The following JARID2 variants were observed in gnomAD, a reference collection of about 807,000 sequenced individuals.
The protein encoded by JARID2 is jumonji and AT-rich interaction domain containing 2.
Under a neutral mutation model 125.6 loss-of-function variants are expected in JARID2, and 21 were observed. The ratio of observed to expected loss-of-function variants is 0.17; its 90% CI spans 0.12 to 0.24. JARID2 has a LOEUF of 0.24. JARID2 is among the 10% of genes least tolerant of loss of function. The pLI, the probability that JARID2 is intolerant of heterozygous loss-of-function variation, is 1.00. For synonymous variants in JARID2, 736 were observed against 661.6 expected (o/e 1.11, Z -1.73); for missense variants, 1,303 against 1,639.6 (o/e 0.79, Z 3.55).
intron 1 of JARID2, among the ~76,000 whole-genome samples, chr6:15,355,041 A>G (rs548309915): frequency 6.6e-6 from 1 of 152,314 alleles, no homozygotes; most frequent in African/African-American, 2.4e-5. Context: ...TGAGAGCACT[A>G]TATGAACCCT....
At position 15,478,772 on chromosome 6, in the gene JARID2, C is replaced by T. The variant is rs545205106; in HGVS notation, c.671-8535C>T. On this transcript the variant is annotated intron_variant, in intron 5 of 17. Coordinates refer to ENST00000341776, the MANE Select transcript of JARID2 (RefSeq NM_004973.4). ...GCAGTCTCCACCTCCCGGGTTCAAG[C>T]GATTCTCCTGCCTCAGCCTCCTGAG... 2.1e-3 allele frequency among the ~76,000 whole-genome samples: 314 copies of T among 152,132 alleles called. 3 individuals carry two copies. Among genetic ancestry groups the T allele is most frequent in the Non-Finnish European group, 3.5e-3 (241 of 67,990 alleles).
chr6:15,416,154 A>G (rs1213999443), intron 3 of JARID2, among the ~76,000 whole-genome samples: 2 of 148,510 alleles, frequency 1.3e-5, no homozygotes, highest in South Asian at 4.3e-4. Context: ...GGCGCTCCTC[A>G]CTTCCTAGAT....
chr6:15,395,909 C>T (rs190818062), intron 2 of JARID2, among the ~76,000 whole-genome samples: 244 of 152,054 alleles, frequency 1.6e-3, no homozygotes, highest in African/African-American at 5.5e-3. Context: ...GTGACCTGCC[C>T]GCCTTGGCCT....
chr6:15,471,587 A>G (rs552281193), intron 5 of JARID2, among the ~76,000 whole-genome samples: 12 of 152,308 alleles, frequency 7.9e-5, no homozygotes, highest in African/African-American at 1.4e-4. Context: ...AGTTAATCCC[A>G]TGTATACTAG....
chr6:15,489,427 G>T (rs1770040040), intron 6 of JARID2, among the ~76,000 whole-genome samples: 1 of 152,200 alleles, frequency 6.6e-6, no homozygotes, highest in Non-Finnish European at 1.5e-5. Context: ...ACAGACACGG[G>T]TGCGCACATC....
intron 2 of JARID2, among the ~76,000 whole-genome samples, chr6:15,389,859 T>G (rs936778769): frequency 1.3e-5 from 2 of 152,208 alleles, no homozygotes; most frequent in Non-Finnish European, 2.9e-5. Flanking sequence ...CCCTTTGATG[T>G]TTTGATGTTT....
At chr6:15,465,608 A>G (rs1405096794) in intron 4 of JARID2, among the ~76,000 whole-genome samples, 3 of 151,340 alleles carry the variant, frequency 2.0e-5, no homozygotes, top group Admixed American at 1.3e-4. Context: ...GAGTGCAAGG[A>G]ATGTGATATT....
intron 1 of JARID2, among the ~76,000 whole-genome samples, chr6:15,275,767 T>C (rs1240941842): frequency 6.6e-6 from 1 of 152,166 alleles, no homozygotes; most frequent in Non-Finnish European, 1.5e-5. Flanking sequence ...TTGAGACTTT[T>C]GTCCCCTTTC....
At chr6:15,277,657 T>G (rs964368101) in intron 1 of JARID2, among the ~76,000 whole-genome samples, 18 of 152,162 alleles carry the variant, frequency 1.2e-4, no homozygotes, top group African/African-American at 4.1e-4. Flanking sequence ...AATGGGACTT[T>G]TGTTAATTCA....
intron 6 of JARID2, among the ~76,000 whole-genome samples, 175 bp from the exon 7 acceptor site, chr6:15,495,957 G>C (rs773503217): frequency 6.6e-6 from 1 of 152,186 alleles, no homozygotes; most frequent in Non-Finnish European, 1.5e-5. Context: ...TTAATTCTTG[G>C]ATGTGTATTT....
intron 3 of JARID2, among the ~76,000 whole-genome samples, chr6:15,431,375 C>T (rs114559505): frequency 5.9e-4 from 90 of 152,250 alleles, no homozygotes; most frequent in Non-Finnish European, 9.6e-4. Context: ...GTCTCATAAA[C>T]GATGCCTTCC....
chr6:15,471,750 G>A (rs1561886493), intron 5 of JARID2, among the ~76,000 whole-genome samples: 2 of 152,290 alleles, frequency 1.3e-5, no homozygotes, highest in South Asian at 4.1e-4. Flanking sequence ...TGCAGGGGCA[G>A]TGACTATCTG....
At chr6:15,252,769 C>T (rs901977150) in intron 1 of JARID2, among the ~76,000 whole-genome samples, 2 of 151,914 alleles carry the variant, frequency 1.3e-5, no homozygotes, top group Non-Finnish European at 1.5e-5. Context: ...TTTTTTCCGT[C>T]CTCCAGATAA....
intron 1 of JARID2, among the ~76,000 whole-genome samples, chr6:15,321,750 T>C (rs976923901): frequency 1.3e-5 from 2 of 149,500 alleles, no homozygotes; most frequent in Non-Finnish European, 3.0e-5. Context: ...TGAGTTAGAA[T>C]AGCAATCTAA....
chr6:15,480,493 T>C (rs1408063065), intron 5 of JARID2, among the ~76,000 whole-genome samples: 5 of 152,170 alleles, frequency 3.3e-5, no homozygotes, highest in African/African-American at 1.2e-4. Flanking sequence ...TGAGGTGCCT[T>C]TATTAGCATG....
chr6:15,319,534 A>T lies in JARID2; in HGVS notation c.46-54583A>T, dbSNP rs138528768. The stretch of plus-strand genomic sequence containing the variant: ...TGCCCCAGTCTCCTGAGTAGCTGGG[A>T]GCACAAGTGTGCGCAACTGTGCCCT... On this transcript the variant is annotated intron_variant, in intron 1 of 17. Coordinates refer to ENST00000341776, the MANE Select transcript of JARID2 (RefSeq NM_004973.4). Among the ~76,000 whole-genome samples the T allele has an allele frequency of 2.8e-4, 43 of 152,220 alleles. No homozygotes were observed. In the East Asian group the frequency reaches 4.4e-3, roughly 16 times the overall value.
intron 4 of JARID2, among the ~76,000 whole-genome samples, chr6:15,465,810 G>GTT (rs751431473): frequency 3.4e-5 from 5 of 147,578 alleles, no homozygotes; most frequent in African/African-American, 1.3e-4. Context: ...TTGTTTGTTT[G>GTT]TTTGTTTTTT....
At chr6:15,385,532 TATAG>T (rs1157477473) in intron 2 of JARID2, among the ~76,000 whole-genome samples, 6 of 150,762 alleles carry the variant, frequency 4.0e-5, no homozygotes, top group Non-Finnish European at 8.9e-5. Context: ...GATATTATTT[TATAG>T]ATATTTATTA....
chr6:15,385,411 T>C (rs1425665433), intron 2 of JARID2, among the ~76,000 whole-genome samples: 1 of 152,158 alleles, frequency 6.6e-6, no homozygotes, highest in Non-Finnish European at 1.5e-5. Flanking sequence ...ACAGCATTTC[T>C]CACTGCCTGA....
Sources: gnomAD v4.1 joint callset for allele counts (sites outside exome capture counted in the v4.1 genomes callset) on GRCh38, gnomAD v4.1.1 for gene constraint, MANE v1.5 for transcripts, NCBI Gene and HGNC (gene_info 2026-07-23, HGNC 2026-07-21) for gene names.